Variants in WWOX observed in about 807,000 individuals in gnomAD.
WWOX encodes WW domain containing oxidoreductase.
WWOX carries 69 observed loss-of-function variants against 46.2 expected under a neutral mutation model. That is an observed-to-expected ratio of 1.49 (90% CI 1.23 to 1.82). The LOEUF is 1.82. WWOX is among the 40% of genes most tolerant of loss of function. WWOX has a pLI of 0.00. For missense variants in WWOX, 919 were observed against 542.6 expected (o/e 1.69, Z -6.89); for synonymous variants, 359 against 202.6 (o/e 1.77, Z -6.56).
Position 78,370,843 on chromosome 16 carries a change from C to G in WWOX, c.517-16017C>G, listed in dbSNP as rs548158572. Among the ~76,000 whole-genome samples, 14 of 137,678 alleles carry G rather than the reference C, an allele frequency of 1.0e-4. No homozygotes were observed. In the South Asian group the frequency reaches 1.6e-3, roughly 16 times the overall value. 90.3% of individuals were successfully genotyped at this position (137,678 alleles called of 152,430 possible). On this transcript the variant is annotated intron_variant, in intron 5 of 8. Coordinates refer to ENST00000566780, the MANE Select transcript of WWOX (RefSeq NM_016373.4). ...CCCTTCCAGTTTTTCTCAGCCTATT[C>G]TTGTTTGTTTTTGTTTTCTATTTCT...
At chr16:79,063,672 T>G (rs1227814725) in intron 8 of WWOX, among the ~76,000 whole-genome samples, 1 of 152,172 alleles carries the variant, frequency 6.6e-6, no homozygotes, top group East Asian at 1.9e-4. Flanking sequence ...TCCTTCTCTT[T>G]TGGATTGACG....
intron 8 of WWOX, among the ~76,000 whole-genome samples, chr16:78,578,285 T>TATATATATATATATA (rs10638175): frequency 2.3e-3 from 30 of 12,930 alleles, no homozygotes; most frequent in East Asian, 8.6e-3. Context: ...TATATATATA[T>TATATATATATATATA]TTTTTTTTTT....
chr16:78,487,140 C>T (rs1193033864), intron 8 of WWOX, among the ~76,000 whole-genome samples: 2 of 152,158 alleles, frequency 1.3e-5, no homozygotes, highest in East Asian at 1.9e-4. Flanking sequence ...AGCATGGTGA[C>T]ATCAGACTAT....
At chr16:79,088,051 G>C (rs958002335) in intron 8 of WWOX, among the ~76,000 whole-genome samples, 2 of 152,110 alleles carry the variant, frequency 1.3e-5, no homozygotes, top group African/African-American at 4.8e-5. Context: ...GTGCATCCTG[G>C]TCTTGGCCTC....
At chr16:78,795,012 CTTAA>C (rs2050700545) in intron 8 of WWOX, among the ~76,000 whole-genome samples, 1 of 152,186 alleles carries the variant, frequency 6.6e-6, no homozygotes, top group Admixed American at 6.5e-5. Flanking sequence ...GAGTTGGAGG[CTTAA>C]CACTGATCTT....
chr16:78,650,435 T>G (rs1371468394), intron 8 of WWOX, among the ~76,000 whole-genome samples: 1 of 152,220 alleles, frequency 6.6e-6, no homozygotes, highest in African/African-American at 2.4e-5. Flanking sequence ...GGTGTCCGTG[T>G]GCCTTGCTTC....
intron 8 of WWOX, among the ~76,000 whole-genome samples, chr16:78,711,080 T>C (rs534568854): frequency 6.6e-6 from 1 of 152,292 alleles, no homozygotes; most frequent in South Asian, 2.1e-4. Flanking sequence ...GTGTAAGTTA[T>C]AAAGAGAGAT....
chr16:78,251,530 T>C (rs1018289019), intron 5 of WWOX, among the ~76,000 whole-genome samples: 4 of 152,310 alleles, frequency 2.6e-5, no homozygotes, highest in African/African-American at 7.2e-5. Context: ...CACCAATAAA[T>C]AGATAAGAAA....
intron 8 of WWOX, among the ~76,000 whole-genome samples, chr16:78,640,152 A>T (rs369428573): frequency 3.3e-4 from 49 of 148,028 alleles, no homozygotes; most frequent in African/African-American, 1.2e-3. Context: ...AGGCCGATAG[A>T]GAGTGTCTGG....
At position 78,303,484 on chromosome 16, in the gene WWOX, A is replaced by G. The variant is rs192519247; in HGVS notation, c.517-83376A>G. Among the ~76,000 whole-genome samples the G allele has an allele frequency of 3.3e-5, 5 of 152,246 alleles. No homozygotes were observed. In the East Asian group the frequency reaches 7.7e-4, roughly 24 times the overall value. ...TTGAGTGAGCTTGGATTTGAGCTCC[A>G]CTTTTCAAATTTTCACCACCTGTGC... On this transcript the variant is annotated intron_variant, in intron 5 of 8. Transcript: ENST00000566780.
At chr16:78,570,856 G>A (rs1194823586) in intron 8 of WWOX, among the ~76,000 whole-genome samples, 1 of 152,194 alleles carries the variant, frequency 6.6e-6, no homozygotes, top group Non-Finnish European at 1.5e-5. Flanking sequence ...GGCAAGCTTT[G>A]GAAAGCACGG....
At chr16:79,097,289 C>A (rs1488828072) in intron 8 of WWOX, among the ~76,000 whole-genome samples, 1 of 151,642 alleles carries the variant, frequency 6.6e-6, no homozygotes, top group South Asian at 2.1e-4. Context: ...GGCATTTATT[C>A]AAGATCCGAG....
At chr16:78,775,126 T>C (rs1000950563) in intron 8 of WWOX, among the ~76,000 whole-genome samples, 1 of 152,164 alleles carries the variant, frequency 6.6e-6, no homozygotes, top group African/African-American at 2.4e-5. Flanking sequence ...GTGGCTGTAT[T>C]TTTAGAAGTG....
intron 8 of WWOX, among the ~76,000 whole-genome samples, chr16:79,030,530 G>A (rs1032649995): frequency 3.3e-5 from 5 of 152,274 alleles, no homozygotes; most frequent in Admixed American, 1.3e-4. Context: ...ACCAGACCAG[G>A]CGTGATCCCT....
chr16:78,327,744 C>A (rs1445489145), intron 5 of WWOX, among the ~76,000 whole-genome samples: 2 of 152,072 alleles, frequency 1.3e-5, no homozygotes, highest in Non-Finnish European at 2.9e-5. Flanking sequence ...AGACCCCCGA[C>A]CATGGCTATA....
At chr16:78,560,991 G>T (rs1011784809) in intron 8 of WWOX, among the ~76,000 whole-genome samples, 2 of 152,138 alleles carry the variant, frequency 1.3e-5, no homozygotes, top group Admixed American at 1.3e-4. Context: ...TCTGCTCAGG[G>T]TCTCTTGGGG....
At chr16:78,942,714 T>A (rs1597183547) in intron 8 of WWOX, among the ~76,000 whole-genome samples, 1 of 152,314 alleles carries the variant, frequency 6.6e-6, no homozygotes, top group Non-Finnish European at 1.5e-5. Flanking sequence ...CTGAACTTGA[T>A]GGTCATCGCA....
chr16:78,635,387 C>A (rs546586690), intron 8 of WWOX, among the ~76,000 whole-genome samples: 1 of 152,186 alleles, frequency 6.6e-6, no homozygotes, highest in Admixed American at 6.5e-5. Flanking sequence ...ACCTCTGCGA[C>A]TGCTCATCTG....
At chr16:78,655,983 G>A (rs1434767467) in intron 8 of WWOX, among the ~76,000 whole-genome samples, 1 of 152,000 alleles carries the variant, frequency 6.6e-6, no homozygotes, top group Non-Finnish European at 1.5e-5. Flanking sequence ...TTGCCAGGGG[G>A]AAAAAAAGAG....
Sources: gnomAD v4.1 joint callset for allele counts (sites outside exome capture counted in the v4.1 genomes callset) on GRCh38, gnomAD v4.1.1 for gene constraint, MANE v1.5 for transcripts, NCBI Gene and HGNC (gene_info 2026-07-23, HGNC 2026-07-21) for gene names.